The following KCNIP4 variants were observed in gnomAD, a reference collection of about 807,000 sequenced individuals.
KCNIP4 encodes Kv channel-interacting protein 4.
KCNIP4 carries 12 observed loss-of-function variants against 34.0 expected under a neutral mutation model. The ratio of observed to expected loss-of-function variants is 0.35; its 90% CI spans 0.23 to 0.57. KCNIP4 has a LOEUF of 0.57. KCNIP4 is among the 20% of genes least tolerant of loss of function. The pLI is 0.83. For synonymous variants in KCNIP4, 124 were observed against 102.2 expected, an observed-to-expected ratio of 1.21 and a Z score of -1.29; for missense variants, 238 against 311.7, an observed-to-expected ratio of 0.76 and a Z score of 1.78.
chr4:21,193,281 C>T (rs1755812561), intron 1 of KCNIP4, among the ~76,000 whole-genome samples: 2 of 152,160 alleles, frequency 1.3e-5, no homozygotes. Flanking sequence ...TAATTACTTA[C>T]ACTCTTTTTA....
intron 1 of KCNIP4, among the ~76,000 whole-genome samples, chr4:21,118,861 T>G (rs1437044630): frequency 6.6e-6 from 1 of 152,114 alleles, no homozygotes; most frequent in Admixed American, 6.6e-5. Flanking sequence ...GACAGAGGCT[T>G]GACTTCTTGC....
At chr4:21,054,559 TA>T in intron 1 of KCNIP4, among the ~76,000 whole-genome samples, 1 of 150,392 alleles carries the variant, frequency 6.6e-6, no homozygotes, top group Middle Eastern at 3.2e-3. Context: ...GTGAATGGAA[TA>T]GAAAAAAGAA....
intron 1 of KCNIP4, among the ~76,000 whole-genome samples, chr4:21,199,143 G>A (rs993998363): frequency 7.9e-5 from 12 of 152,134 alleles, no homozygotes; most frequent in South Asian, 2.1e-4. Flanking sequence ...TTGAGGAATC[G>A]CCACACTAAC....
intron 3 of KCNIP4, among the ~76,000 whole-genome samples, chr4:20,819,477 G>T (rs35335925): frequency 2.0e-5 from 3 of 151,880 alleles, no homozygotes; most frequent in Admixed American, 6.6e-5. Flanking sequence ...GGGCAGGGGG[G>T]ATTTCGGAGC....
chr4:21,333,872 G>C (rs1054019386), intron 1 of KCNIP4, among the ~76,000 whole-genome samples: 38 of 152,256 alleles, frequency 2.5e-4, no homozygotes, highest in African/African-American at 8.9e-4. Context: ...GCAATCTTCT[G>C]CTGTTCTTTA....
intron 3 of KCNIP4, among the ~76,000 whole-genome samples, chr4:20,828,807 G>T (rs528047021): frequency 2.0e-5 from 3 of 152,168 alleles, no homozygotes; most frequent in Non-Finnish European, 4.4e-5. Flanking sequence ...AAAGATTTTT[G>T]ATGTATGGAT....
Position 21,787,914 on chromosome 4 carries a change from A to G in KCNIP4, c.61+160657T>C, listed in dbSNP as rs1720015533. Among the ~76,000 whole-genome samples, 3 of 152,120 alleles carry G rather than the reference A, an allele frequency of 2.0e-5. No homozygotes were observed. The South Asian group carries it at 6.2e-4, about 31-fold the overall frequency. On this transcript the variant is annotated intron_variant, in intron 1 of 8. Transcript: ENST00000382152. ...CTAGTGGGGGAAGCATATACCAATC[A>G]AATGTGCCATGGGAAAATTCCTTCA...
At chr4:20,953,627 A>G (rs1159704431) in intron 1 of KCNIP4, among the ~76,000 whole-genome samples, 1 of 152,142 alleles carries the variant, frequency 6.6e-6, no homozygotes, top group Non-Finnish European at 1.5e-5. Flanking sequence ...AGTTGCAGGG[A>G]GCTGAGATCG....
At chr4:21,688,446 A>G (rs1007233427) in intron 1 of KCNIP4, among the ~76,000 whole-genome samples, 5 of 152,224 alleles carry the variant, frequency 3.3e-5, no homozygotes, top group African/African-American at 1.2e-4. Flanking sequence ...TTTAGAAGAT[A>G]CTGATCTACC....
At chr4:21,833,093 T>C (rs1340663262) in intron 1 of KCNIP4, among the ~76,000 whole-genome samples, 1 of 150,862 alleles carries the variant, frequency 6.6e-6, no homozygotes. Context: ...TATAGTCCTT[T>C]GGGTATATAC....
chr4:20,761,681 T>C (rs997615678), intron 3 of KCNIP4, among the ~76,000 whole-genome samples: 8 of 152,128 alleles, frequency 5.3e-5, no homozygotes, highest in Non-Finnish European at 7.4e-5. Flanking sequence ...ATCAACAAAT[T>C]TGTTAGCTGC....
intron 1 of KCNIP4, among the ~76,000 whole-genome samples, chr4:21,688,704 C>T (rs1751003690): frequency 6.6e-6 from 1 of 152,070 alleles, no homozygotes; most frequent in Non-Finnish European, 1.5e-5. Context: ...AGGCAGACAA[C>T]AGGACCCTCT....
chr4:21,463,592 T>A (rs1008002069), intron 1 of KCNIP4, among the ~76,000 whole-genome samples: 1 of 152,038 alleles, frequency 6.6e-6, no homozygotes, highest in African/African-American at 2.4e-5. Context: ...CTTTATTCCT[T>A]TTTATTGCCA....
At chr4:21,778,995 T>C (rs369776730) in intron 1 of KCNIP4, among the ~76,000 whole-genome samples, 1 of 151,296 alleles carries the variant, frequency 6.6e-6, no homozygotes, top group African/African-American at 2.4e-5. Context: ...TGCATGAGTG[T>C]GCACGTGTGT....
rs78995660 is a variant in KCNIP4 at position 21,219,524 on chromosome 4, T to C, written c.62-336815A>G. Reference sequence around the variant, plus strand: ...TAAAGCCCAAGAGCAAAGTAAGAGGTCAAATAGCCTTCACCATTCACTAAT... The same window carrying C: ...TAAAGCCCAAGAGCAAAGTAAGAGGCCAAATAGCCTTCACCATTCACTAAT... On this transcript the variant is annotated intron_variant, in intron 1 of 8. Coordinates refer to ENST00000382152, the MANE Select transcript of KCNIP4 (RefSeq NM_025221.6). Among the ~76,000 whole-genome samples, 6 of 152,078 alleles carry C rather than the reference T, an allele frequency of 3.9e-5. No individual in the cohort carries two copies. In the East Asian group the frequency reaches 1.2e-3, roughly 29 times the overall value.
At chr4:21,715,676 A>G (rs1297717096) in intron 1 of KCNIP4, among the ~76,000 whole-genome samples, 1 of 152,192 alleles carries the variant, frequency 6.6e-6, no homozygotes, top group Non-Finnish European at 1.5e-5. Flanking sequence ...TCTTATACTG[A>G]GCCAAAGAAA....
chr4:21,475,968 T>C (rs959710500), intron 1 of KCNIP4, among the ~76,000 whole-genome samples: 1 of 152,096 alleles, frequency 6.6e-6, no homozygotes, highest in African/African-American at 2.4e-5. Flanking sequence ...ATTCCTGCAG[T>C]GCCTTCTCAC....
At chr4:21,507,253 G>T (rs1363195507) in intron 1 of KCNIP4, among the ~76,000 whole-genome samples, 1 of 151,122 alleles carries the variant, frequency 6.6e-6, no homozygotes, top group Non-Finnish European at 1.5e-5. Flanking sequence ...ACTGGCAATG[G>T]CTTTATTTTT....
chr4:21,708,324 C>A (rs1477756865), intron 1 of KCNIP4, among the ~76,000 whole-genome samples: 1 of 151,992 alleles, frequency 6.6e-6, no homozygotes, highest in Non-Finnish European at 1.5e-5. Context: ...AATGTTTGGC[C>A]TATTTGCATC....
Sources: allele counts gnomAD v4.1 joint callset (sites outside exome capture counted in the v4.1 genomes callset), GRCh38; gene constraint gnomAD v4.1.1; transcripts MANE v1.5; gene names NCBI Gene and HGNC (gene_info 2026-07-23, HGNC 2026-07-21).